Variants in USP25 observed in about 807,000 individuals in gnomAD.
USP25 encodes the protein ubiquitin carboxyl-terminal hydrolase 25.
In USP25, 85 loss-of-function variants were observed where a neutral mutation model predicts 158.5. That is an observed-to-expected ratio of 0.54 (90% CI 0.45 to 0.64). USP25 has a LOEUF of 0.64. USP25 is among the 30% of genes least tolerant of loss of function. The probability of loss-of-function intolerance (pLI) is 0.00; values close to 1 mark genes in which losing one functional copy is unlikely to be tolerated. For synonymous variants in USP25, 464 were observed against 460.4 expected (o/e 1.01, Z -0.10); for missense variants, 1,242 against 1,327.3 (o/e 0.94, Z 1.00).
At chr21:15,824,482 G>A (rs568340577) in intron 11 of USP25, among the ~76,000 whole-genome samples, 1 of 152,070 alleles carries the variant, frequency 6.6e-6, no homozygotes, top group Non-Finnish European at 1.5e-5. Context: ...GGTGATGTCT[G>A]TACTTAATAT....
At chr21:15,744,586 TTTG>T (rs10635610) in intron 1 of USP25, among the ~76,000 whole-genome samples, 7 of 150,766 alleles carry the variant, frequency 4.6e-5, no homozygotes, top group East Asian at 2.0e-4. Flanking sequence ...GGTCTGCAGT[TTTG>T]TTGTTGTTGT....
chr21:15,872,099 A>C (rs1182661688), intron 23 of USP25, among the ~76,000 whole-genome samples: 1 of 150,468 alleles, frequency 6.6e-6, no homozygotes, highest in Admixed American at 6.6e-5. Context: ...ATATTGCCAA[A>C]AGATTCTGTC....
chr21:15,805,978 G>A (rs577250722), intron 7 of USP25, among the ~76,000 whole-genome samples: 6 of 152,188 alleles, frequency 3.9e-5, no homozygotes, highest in Non-Finnish European at 8.8e-5. Context: ...TTTGGAAGAG[G>A]AAGGTCTGAG....
chr21:15,829,633 T>G (rs2037700413), intron 14 of USP25, among the ~76,000 whole-genome samples: 1 of 152,218 alleles, frequency 6.6e-6, no homozygotes, highest in Non-Finnish European at 1.5e-5. Context: ...TTTTAAGTAT[T>G]GAGCTATTTG....
chr21:15,831,578 A>G lies in USP25; in HGVS notation c.1942A>G (p.Ser648Gly). The part of the protein sequence containing the change: ...RDSFGGYRNA[S>G]AYCLMYINDK... Reference sequence around the variant, plus strand: ...CTCTTTTGGTGGTTATAGAAATGCCAGTGCATACTGTTTAATGTACATAAA... The same window carrying G: ...CTCTTTTGGTGGTTATAGAAATGCCGGTGCATACTGTTTAATGTACATAAA... Residue 648 changes from serine (S) to glycine (G), a missense_variant, in exon 16 of 26, where the codon AGT (serine) becomes GGT (glycine). Physicochemically the swap from Ser to Gly is moderately conservative, Grantham distance 56. Transcript: ENST00000400183. 3 of 1,614,074 alleles carry G rather than the reference A, an allele frequency of 1.9e-6. No individual in the cohort carries two copies. Among genetic ancestry groups the G allele is most frequent in the Non-Finnish European group, 2.5e-6 (3 of 1,179,942 alleles).
chr21:15,807,565 G>A (rs556079238), intron 7 of USP25, among the ~76,000 whole-genome samples: 1 of 152,324 alleles, frequency 6.6e-6, no homozygotes, highest in African/African-American at 2.4e-5. Context: ...TTGGCTCTGA[G>A]GGAGAATCCT....
rs1471954201 is a variant in USP25 at position 15,827,136 on chromosome 21, G to C, written c.1626G>C (p.Glu542Asp). The change falls in exon 14 of 26, where the codon GAG (glutamate) becomes GAC (aspartate). Residue 542 changes from glutamate (E) to aspartate (D), a missense_variant. Glu to Asp is a conservative substitution (Grantham distance 45). Transcript: ENST00000400183. ...ATCCGGCACCAAGGCACATAACGGA[G>C]GAAGAACTTTCTGTGCTGGAAAGTT... ...PMHPAPRHIT[E>D]EELSVLESCL... The C allele has an allele frequency of 5.0e-6, 8 of 1,614,058 alleles. No individual in the cohort carries two copies. The highest frequency in any genetic ancestry group is 6.8e-6 in the Non-Finnish European group (8 of 1,180,036).
At chr21:15,753,096 G>A (rs1260120563) in intron 1 of USP25, among the ~76,000 whole-genome samples, 2 of 152,210 alleles carry the variant, frequency 1.3e-5, no homozygotes, top group Non-Finnish European at 2.9e-5. Flanking sequence ...AAGTGACAGG[G>A]AGGTTTTATG....
At chr21:15,783,972 A>G (rs2035126493) in intron 4 of USP25, among the ~76,000 whole-genome samples, 1 of 152,144 alleles carries the variant, frequency 6.6e-6, no homozygotes, top group South Asian at 2.1e-4. Context: ...TCCGTCTCAA[A>G]AAAAATAAAG....
chr21:15,831,396 T>C lies in USP25; in HGVS notation c.1765-5T>C, dbSNP rs1264121927. On this transcript the variant is annotated splice_region_variant and splice_polypyrimidine_tract_variant and intron_variant, in intron 15 of 25. Transcript: ENST00000400183. Reference sequence around the variant, plus strand: ...CAGTTTAACTCTTCTTTTTTTCACATTTAGGTTCCTTATCGATTACATGCC... The same window carrying C: ...CAGTTTAACTCTTCTTTTTTTCACACTTAGGTTCCTTATCGATTACATGCC... 13 of 1,613,446 alleles carry C rather than the reference T, an allele frequency of 8.1e-6. No homozygotes were observed. Among genetic ancestry groups the C allele is most frequent in the Non-Finnish European group, 1.1e-5 (13 of 1,179,522 alleles).
chr21:15,795,585 G>T (rs2035821594), intron 5 of USP25, among the ~76,000 whole-genome samples: 1 of 151,538 alleles, frequency 6.6e-6, no homozygotes, highest in Non-Finnish European at 1.5e-5. Context: ...AATGGGATTG[G>T]TCGATGTGGG....
intron 6 of USP25, among the ~76,000 whole-genome samples, chr21:15,800,943 C>T (rs1162651804): frequency 6.6e-6 from 1 of 151,386 alleles, no homozygotes; most frequent in Non-Finnish European, 1.5e-5. Flanking sequence ...AACCCATTTT[C>T]AAAAGGGAGT....
rs147403688 is a variant in USP25 at position 15,731,775 on chromosome 21, C to T, written c.45+1337C>T. On this transcript the variant is annotated intron_variant, in intron 1 of 25. Transcript: ENST00000400183. ...AATAATGAGAATTTAAAAGAGTTTC[C>T]TTCCTAATCCTCCCTATTCTATTTT... Among the ~76,000 whole-genome samples, 257 of 152,244 alleles carry T rather than the reference C, an allele frequency of 1.7e-3. 6 individuals are homozygous for T. The East Asian group carries it at 0.044, about 26-fold the overall frequency.
At chr21:15,795,780 C>T (rs999340415) in intron 5 of USP25, among the ~76,000 whole-genome samples, 9 of 151,498 alleles carry the variant, frequency 5.9e-5, no homozygotes, top group East Asian at 3.9e-4. Context: ...CTGGAAAGCA[C>T]ATGGGGGTTT....
chr21:15,827,689 T>G (rs1009701614), intron 14 of USP25, among the ~76,000 whole-genome samples: 30 of 151,998 alleles, frequency 2.0e-4, no homozygotes, highest in Admixed American at 1.7e-3. Context: ...TGTAACAGAG[T>G]TTTTACTGGC....
At position 15,842,492 on chromosome 21, in the gene USP25, G is replaced by A. The variant is rs1401828327; in HGVS notation, c.2289G>A (p.Lys763=). 1 of 1,613,708 alleles carries A rather than the reference G, an allele frequency of 6.2e-7. No homozygotes were observed. ...AAGAAACTATTCAAATAATTACCAA[G>A]GCATCACATGAGCATGAAGATAAAA... ...LKEETIQIIT[K]ASHEHEDKSP... is the part of the protein sequence containing the mutation. Residue 763 remains lysine, a synonymous_variant, in exon 18 of 26, where the codon AAG becomes AAA. Transcript: ENST00000400183.
At chr21:15,750,320 C>G (rs1386360378) in intron 1 of USP25, among the ~76,000 whole-genome samples, 2 of 148,258 alleles carry the variant, frequency 1.3e-5, no homozygotes, top group Non-Finnish European at 3.0e-5. Flanking sequence ...CAACCTCCGT[C>G]TCCCTGGTTC....
chr21:15,730,232 C>G lies in USP25; in HGVS notation c.-162C>G. The G allele has an allele frequency of 1.3e-6, 1 of 781,210 alleles. No homozygotes were observed. Among genetic ancestry groups the G allele is most frequent in the Non-Finnish European group, 1.6e-6 (1 of 644,662 alleles). 48.4% of individuals were successfully genotyped at this position (781,210 alleles called of 1,614,324 possible). On this transcript the variant is annotated 5_prime_UTR_variant, in exon 1 of 26. Transcript: ENST00000400183. ...TCGCCGCCTGCCCGCGGTGCCCGCG[C>G]ACGCCGGCCGCCATCGCCTTCGCGC...
chr21:15,731,206 T>C (rs1249510148), intron 1 of USP25, among the ~76,000 whole-genome samples: 1 of 152,216 alleles, frequency 6.6e-6, no homozygotes, highest in Non-Finnish European at 1.5e-5. Context: ...ATCATTCTGC[T>C]ATTTTAGATT....
Sources: gnomAD v4.1 joint callset for allele counts (sites outside exome capture counted in the v4.1 genomes callset) on GRCh38, gnomAD v4.1.1 for gene constraint, MANE v1.5 for transcripts, NCBI Gene and HGNC (gene_info 2026-07-23, HGNC 2026-07-21) for gene names.